LGMN: variants seen among roughly 807,000 people sequenced by gnomAD.
LGMN encodes legumain, also known as asparaginyl endopeptidase.
LGMN carries 36 observed loss-of-function variants against 56.8 expected under a neutral mutation model. The observed-to-expected ratio is 0.63, with a 90% CI of 0.49 to 0.84. The LOEUF is 0.84. Among genes scored for constraint, LGMN ranks in the 40% least tolerant of loss-of-function variants. The probability of loss-of-function intolerance (pLI) is 0.00; values close to 1 mark genes in which losing one functional copy is unlikely to be tolerated. For synonymous variants in LGMN, 199 were observed against 210.1 expected, an observed-to-expected ratio of 0.95 and a Z score of 0.46; for missense variants, 446 against 556.1, an observed-to-expected ratio of 0.80 and a Z score of 1.99.
chr14:92,707,882 T>C (rs1481265141), intron 11 of LGMN, among the ~76,000 whole-genome samples: 3 of 152,192 alleles, frequency 2.0e-5, no homozygotes, highest in Non-Finnish European at 4.4e-5. Flanking sequence ...CCAGGTGCGG[T>C]GCCTCACGCC....
chr14:92,741,906 T>A (rs960948227), intron 1 of LGMN: 4 of 152,136 alleles, frequency 2.6e-5, no homozygotes, highest in Non-Finnish European at 5.9e-5. Context: ...CGGCTGACAA[T>A]GTGCAGAAGA....
At chr14:92,726,628 G>A (rs749597734) in intron 2 of LGMN, among the ~76,000 whole-genome samples, 5 of 152,162 alleles carry the variant, frequency 3.3e-5, no homozygotes, top group Non-Finnish European at 5.9e-5. Context: ...CAAAGGGAAA[G>A]AAAGGGAGAG....
chr14:92,721,178 C>T (rs895672287), intron 2 of LGMN, among the ~76,000 whole-genome samples: 2 of 152,198 alleles, frequency 1.3e-5, no homozygotes, highest in African/African-American at 4.8e-5. Flanking sequence ...ATGCAAGCCA[C>T]GGCGCCTGGC....
At chr14:92,743,225 C>T (rs796466482) in intron 1 of LGMN, among the ~76,000 whole-genome samples, 18 of 151,946 alleles carry the variant, frequency 1.2e-4, no homozygotes, top group African/African-American at 3.9e-4. Flanking sequence ...AATCCAGGGC[C>T]GGGCAGTGGC....
chr14:92,708,277 G>C (rs1363086056), intron 11 of LGMN, among the ~76,000 whole-genome samples: 1 of 151,880 alleles, frequency 6.6e-6, no homozygotes, highest in Non-Finnish European at 1.5e-5. Context: ...ATGAACAAAA[G>C]CTCTTTGGGA....
chr14:92,736,371 G>A (rs1204900240), intron 1 of LGMN, among the ~76,000 whole-genome samples: 9 of 152,130 alleles, frequency 5.9e-5, no homozygotes, highest in East Asian at 5.8e-4. Flanking sequence ...TGAGGCAGGC[G>A]GATCACTTGA....
At chr14:92,719,709 A>G (rs1890360048) in intron 2 of LGMN, among the ~76,000 whole-genome samples, 1 of 152,240 alleles carries the variant, frequency 6.6e-6, no homozygotes, top group Non-Finnish European at 1.5e-5. Context: ...AAGGAAGACA[A>G]CATTATAAAT....
intron 11 of LGMN, among the ~76,000 whole-genome samples, chr14:92,708,881 A>AAAAAAAAAAAC (rs1889587964): frequency 3.4e-5 from 5 of 146,400 alleles, no homozygotes; most frequent in African/African-American, 7.6e-5. Flanking sequence ...AAAAAAAAAA[A>AAAAAAAAAAAC]TCTTGCCTAG....
At position 92,706,669 on chromosome 14, in the gene LGMN, G is replaced by T; in HGVS notation, c.1021-16C>A. The T allele has an allele frequency of 1.3e-6, 2 of 1,553,484 alleles. No individual in the cohort carries two copies. Among genetic ancestry groups the T allele is most frequent in the Non-Finnish European group, 1.8e-6 (2 of 1,136,926 alleles). On this transcript the variant is annotated splice_polypyrimidine_tract_variant and intron_variant, in intron 11 of 13. Coordinates refer to ENST00000334869, the MANE Select transcript of LGMN (RefSeq NM_005606.7). ...GGTGCCTGGCCTGGGGAGAAACGCG[G>T]CCTGTCAGAATGTGCCTCCCTGAAT...
intron 4 of LGMN, among the ~76,000 whole-genome samples, chr14:92,716,993 T>C (rs1407210729): frequency 6.6e-6 from 1 of 152,178 alleles, no homozygotes; most frequent in African/African-American, 2.4e-5. Context: ...AATGAAAAAC[T>C]ATCTCAGCAA....
chr14:92,726,377 C>T (rs1476088458), intron 2 of LGMN, among the ~76,000 whole-genome samples: 1 of 152,166 alleles, frequency 6.6e-6, no homozygotes, highest in Non-Finnish European at 1.5e-5. Flanking sequence ...TCTTTGGCCC[C>T]GCCAGCCTCG....
chr14:92,708,162 A>T (rs1889544970), intron 11 of LGMN, among the ~76,000 whole-genome samples: 2 of 152,038 alleles, frequency 1.3e-5, no homozygotes, highest in South Asian at 4.1e-4. Flanking sequence ...AAAAAAAAAA[A>T]AAAAATCACC....
chr14:92,735,416 A>C (rs948473290), intron 1 of LGMN, among the ~76,000 whole-genome samples: 48 of 152,136 alleles, frequency 3.2e-4, no homozygotes, highest in Admixed American at 2.9e-3. Context: ...CATGTTGCCC[A>C]GGCTGGTCTC....
At position 92,714,265 on chromosome 14, in the gene LGMN, C is replaced by A. The variant is rs1889950432; in HGVS notation, c.480+111G>T. 4.0e-6 allele frequency: 3 copies of A among 757,512 alleles called. No homozygotes were observed. In the South Asian group the frequency reaches 5.2e-5, roughly 13 times the overall value. The allele number at this position is 757,512 out of a possible 1,614,324, so 46.9% of individuals were successfully genotyped here. A position where few individuals can be genotyped will look rare whatever the true frequency, so the allele number is the denominator to read the frequency against. On this transcript the variant is annotated intron_variant, in intron 6 of 13. Coordinates refer to ENST00000334869, the MANE Select transcript of LGMN (RefSeq NM_005606.7). The surrounding 1 kb of genome is among the most constrained non-coding windows in gnomAD (Gnocchi z 5.1). ...CCCCCACTCCCACCCACCACACGTA[C>A]AAACCAACCCTGGCAGGACACTAGA...
chr14:92,710,029 T>C (rs1889675993), intron 10 of LGMN, among the ~76,000 whole-genome samples, 157 bp from the exon 11 acceptor site: 1 of 152,016 alleles, frequency 6.6e-6, no homozygotes, highest in Non-Finnish European at 1.5e-5. Context: ...TCACATTTAC[T>C]CCTCATGCTT....
Position 92,714,057 on chromosome 14 carries a change from A to G in LGMN, c.481-172T>C, listed in dbSNP as rs1246541526. On this transcript the variant is annotated intron_variant, in intron 6 of 13. Coordinates refer to ENST00000334869, the MANE Select transcript of LGMN (RefSeq NM_005606.7). This position sits in a 1 kb window ranked among gnomAD's most constrained non-coding sequence, Gnocchi z 5.1. Reference sequence around the variant, plus strand: ...CGTCACATGTTTTATGCACGCATTTAAAAAGGGCAAGAGGATGTACCTCTT... The same window carrying G: ...CGTCACATGTTTTATGCACGCATTTGAAAAGGGCAAGAGGATGTACCTCTT... Among the ~76,000 whole-genome samples the G allele has an allele frequency of 1.3e-5, 2 of 152,232 alleles. No individual in the cohort carries two copies. The highest frequency in any genetic ancestry group is 2.9e-5 in the Non-Finnish European group (2 of 68,036).
chr14:92,714,311 A>G lies in LGMN; in HGVS notation c.480+65T>C. ...CTAGAAAATACACGCTATGGGTTTA[A>G]TCTCGACACCTAGGCTTGCTTTTCT... On this transcript the variant is annotated intron_variant, in intron 6 of 13. Coordinates refer to ENST00000334869, the MANE Select transcript of LGMN (RefSeq NM_005606.7). This position sits in a 1 kb window ranked among gnomAD's most constrained non-coding sequence, Gnocchi z 5.1. 1 of 1,157,520 alleles carries G rather than the reference A, an allele frequency of 8.6e-7. No homozygotes were observed. The highest frequency in any genetic ancestry group is 1.3e-6 in the Non-Finnish European group (1 of 771,362). The allele number at this position is 1,157,520 out of a possible 1,614,324, so 71.7% of individuals were successfully genotyped here.
At chr14:92,710,511 G>A (rs1007186856) in intron 10 of LGMN, among the ~76,000 whole-genome samples, 23 of 152,232 alleles carry the variant, frequency 1.5e-4, no homozygotes, top group African/African-American at 5.1e-4. Flanking sequence ...CGATTTGGCT[G>A]TAGCGGTCAC....
chr14:92,744,195 G>T (rs1409425128), intron 1 of LGMN, among the ~76,000 whole-genome samples: 1 of 151,996 alleles, frequency 6.6e-6, no homozygotes, highest in Admixed American at 6.6e-5. Flanking sequence ...ATTTTACTCA[G>T]CTTCGTTTAT....
Sources: allele counts gnomAD v4.1 joint callset (sites outside exome capture counted in the v4.1 genomes callset), GRCh38; gene constraint gnomAD v4.1.1; non-coding constraint Gnocchi (gnomAD v3.1); transcripts MANE v1.5; gene names NCBI Gene and HGNC (gene_info 2026-07-23, HGNC 2026-07-21).